Variants in SETD5 observed in about 807,000 individuals in gnomAD.
The protein encoded by SETD5 is SET domain containing 5.
SETD5 carries 44 observed loss-of-function variants against 153.3 expected under a neutral mutation model. The observed-to-expected ratio is 0.29, with a 90% CI of 0.23 to 0.37. The LOEUF is 0.37. Among genes scored for constraint, SETD5 ranks in the 10% least tolerant of loss-of-function variants. SETD5 has a pLI of 1.00. For synonymous variants in SETD5, 716 were observed against 645.2 expected (o/e 1.11, Z -1.66); for missense variants, 1,544 against 1,768.0 (o/e 0.87, Z 2.27).
chr3:9,476,381 AG>A lies in SETD5; in HGVS notation c.*291del. On this transcript the variant is annotated 3_prime_UTR_variant, in exon 23 of 23. Transcript: ENST00000402198. ...GTTAGTAACGGTTCTAAGTGCAATG[AG>A]TTGTGTTGAAGCCTCCGTCTCCCAT... 8.9e-6 allele frequency: 3 copies of A among 338,732 alleles called. No individual in the cohort carries two copies. The highest frequency in any genetic ancestry group is 9.1e-5 in the South Asian group (2 of 22,012). 21.0% of individuals were successfully genotyped at this position (338,732 alleles called of 1,614,324 possible).
chr3:9,424,076 A>G lies in SETD5; in HGVS notation c.-176-391A>G, dbSNP rs188715020. On this transcript the variant is annotated intron_variant, in intron 1 of 22. Coordinates refer to ENST00000402198, the MANE Select transcript of SETD5 (RefSeq NM_001080517.3). ...CCTTGTCTGGCTGGACAGTTGTCGG[A>G]CATCGGGTTAAAGAAAGAACTCTGA... Among the ~76,000 whole-genome samples the G allele has an allele frequency of 2.4e-4, 37 of 152,316 alleles. No homozygotes were observed. In the East Asian group the frequency reaches 5.6e-3, roughly 23 times the overall value.
chr3:9,430,164 C>T, intron 3 of SETD5: 2 of 1,008,242 alleles, frequency 2.0e-6, no homozygotes, highest in Non-Finnish European at 2.4e-6. Flanking sequence ...TGAATGACAT[C>T]CCTGATTAAT....
chr3:9,429,799 C>T, intron 3 of SETD5: 2 of 1,296,268 alleles, frequency 1.5e-6, no homozygotes, highest in Middle Eastern at 2.1e-4. Context: ...CTTTTACCTC[C>T]CTTGTACCCA....
intron 3 of SETD5, chr3:9,429,928 C>T (rs1188462369): frequency 2.3e-6 from 3 of 1,302,288 alleles, no homozygotes; most frequent in East Asian, 1.1e-4. Context: ...GCAGCACACC[C>T]CCAGAAGCCA....
chr3:9,426,161 A>G (rs2039168766), intron 2 of SETD5: 1 of 149,308 alleles, frequency 6.7e-6, no homozygotes, highest in Non-Finnish European at 1.5e-5. Flanking sequence ...TGTTAGGGAA[A>G]GGAAACATAC....
intron 18 of SETD5, among the ~76,000 whole-genome samples, chr3:9,468,163 A>G (rs2044840141): frequency 6.6e-6 from 1 of 151,790 alleles, no homozygotes; most frequent in Non-Finnish European, 1.5e-5. Context: ...GTGCCCCTCA[A>G]TAACAAATAC....
chr3:9,468,543 C>T (rs1304742908), intron 18 of SETD5: 1 of 1,304,218 alleles, frequency 7.7e-7, no homozygotes, highest in Middle Eastern at 2.1e-4. Context: ...TGAGAGTTCC[C>T]CTGCGCATAG....
At chr3:9,449,055 T>A (rs1276581979) in intron 16 of SETD5, among the ~76,000 whole-genome samples, 1 of 152,220 alleles carries the variant, frequency 6.6e-6, no homozygotes, top group African/African-American at 2.4e-5. Context: ...TTAAATTGTT[T>A]TGAATCAATT....
At chr3:9,443,018 C>T (rs887454811) in intron 10 of SETD5, 17 of 257,842 alleles carry the variant, frequency 6.6e-5, no homozygotes, top group Non-Finnish European at 9.3e-5. Context: ...CCAGCCTGAG[C>T]GACAGAGCAA....
intron 17 of SETD5, among the ~76,000 whole-genome samples, chr3:9,463,373 G>A (rs910349848): frequency 6.6e-6 from 1 of 152,132 alleles, no homozygotes; most frequent in African/African-American, 2.4e-5. Flanking sequence ...AATGTATGAT[G>A]ACCATTTTTC....
At chr3:9,452,036 T>C (rs903421089) in intron 16 of SETD5, among the ~76,000 whole-genome samples, 23 of 152,322 alleles carry the variant, frequency 1.5e-4, no homozygotes, top group African/African-American at 4.3e-4. Flanking sequence ...TCCTGAAATA[T>C]TGTAAAATTA....
chr3:9,433,600 C>G, intron 3 of SETD5: 1 of 1,226,058 alleles, frequency 8.2e-7, no homozygotes. Flanking sequence ...CCTTGTATCT[C>G]AGGTGCCTGC....
intron 1 of SETD5, among the ~76,000 whole-genome samples, chr3:9,421,085 A>G (rs2038325489): frequency 6.6e-6 from 1 of 151,526 alleles, no homozygotes; most frequent in Non-Finnish European, 1.5e-5. Context: ...TGTACAGATG[A>G]GAAAACTGAG....
In SETD5 at chr3:9,470,542, A is replaced by T. The variant is rs372223844; in HGVS notation, c.2808A>T (p.Leu936=). Residue 936 remains leucine (L), a synonymous_variant, in exon 19 of 23, where the codon CTA becomes CTT. Transcript: ENST00000402198. ...ACAGCTGTGCTGATAGACCTTCCCT[A>T]CTCAACTCAGGTCATTCTGACCTGG... The part of the protein sequence containing the change: ...NTNSCADRPS[L]LNSGHSDLAP... The T allele has an allele frequency of 4.3e-6, 7 of 1,613,516 alleles. No homozygotes were observed. In the African/African-American group the frequency reaches 9.4e-5, roughly 22 times the overall value.
At chr3:9,454,648 A>AAAAAAAAAAAAAC (rs2043016964) in intron 17 of SETD5, among the ~76,000 whole-genome samples, 1 of 148,112 alleles carries the variant, frequency 6.8e-6, no homozygotes, top group Admixed American at 6.7e-5. Context: ...AAAAAAAAAA[A>AAAAAAAAAAAAAC]AACAAATTTT....
intron 17 of SETD5, 85 bp downstream of exon 17, chr3:9,453,953 C>G: frequency 7.4e-7 from 1 of 1,354,476 alleles, no homozygotes; most frequent in South Asian, 1.8e-5. Flanking sequence ...ATTTCTGATA[C>G]AAAAAGAAAT....
In SETD5 at chr3:9,476,312, C is replaced by T. The variant is rs2045849007; in HGVS notation, c.*221C>T. ...AAGCAGAGACTATAAAGAAGTTTCT[C>T]CCTGCTGTCAAGGGTACATTGTTGA... On this transcript the variant is annotated 3_prime_UTR_variant, in exon 23 of 23. Transcript: ENST00000402198. 1.7e-6 allele frequency: 1 copy of T among 598,634 alleles called. No individual in the cohort carries two copies. Among genetic ancestry groups the T allele is most frequent in the African/African-American group, 1.9e-5 (1 of 53,992 alleles). 37.1% of individuals were successfully genotyped at this position (598,634 alleles called of 1,614,324 possible).
intron 18 of SETD5, among the ~76,000 whole-genome samples, chr3:9,468,252 G>A (rs1472712501): frequency 6.6e-6 from 1 of 151,990 alleles, no homozygotes; most frequent in African/African-American, 2.4e-5. Flanking sequence ...TTCCTTGTAT[G>A]TGCTTGAGAT....
In SETD5 at chr3:9,464,623, T is replaced by C; in HGVS notation, c.2675T>C (p.Val892Ala). The stretch of plus-strand genomic sequence containing the variant: ...GGATACAGCCTCATGTTTTCACCAG[T>C]CACATCTCTTACTACTGCTAGTCGC... ...RNGYSLMFSP[V>A]TSLTTASRCN... is the part of the protein sequence containing the mutation. Residue 892 changes from valine to alanine, a missense_variant, in exon 18 of 23, where the codon GTC (valine) becomes GCC (alanine). This residue lies in a region of SETD5 where 782 missense variants were observed against 787.2 expected (regional missense o/e 0.99). Coordinates refer to ENST00000402198, the MANE Select transcript of SETD5 (RefSeq NM_001080517.3). 2.5e-6 allele frequency: 4 copies of C among 1,614,008 alleles called. No individual in the cohort carries two copies. The highest frequency in any genetic ancestry group is 3.4e-6 in the Non-Finnish European group (4 of 1,179,894).
Sources: gnomAD v4.1 joint callset for allele counts (sites outside exome capture counted in the v4.1 genomes callset) on GRCh38, gnomAD v4.1.1 for gene constraint, gnomAD v4.1.1 regional missense constraint, MANE v1.5 for transcripts, NCBI Gene and HGNC (gene_info 2026-07-23, HGNC 2026-07-21) for gene names.